The following ALDH5A1 variants were observed in gnomAD, a reference collection of about 807,000 sequenced individuals.
ALDH5A1 encodes the protein succinate-semialdehyde dehydrogenase, mitochondrial.
ALDH5A1 carries 33 observed loss-of-function variants against 54.7 expected under a neutral mutation model. That is an observed-to-expected ratio of 0.60 (90% CI 0.46 to 0.81). The LOEUF (loss-of-function observed/expected upper bound fraction) is 0.81, where lower values mean the gene tolerates loss of function less well. ALDH5A1 is among the 30% of genes least tolerant of loss of function. The pLI is 0.00. For synonymous variants in ALDH5A1, 294 were observed against 292.7 expected (o/e 1.00, Z -0.05); for missense variants, 657 against 711.0 (o/e 0.92, Z 0.86).
rs1760039767 is a variant in ALDH5A1 at position 24,535,972 on chromosome 6, C to T, written c.*2260C>T. On this transcript the variant is annotated 3_prime_UTR_variant, in exon 10 of 10. Transcript: ENST00000357578. The stretch of plus-strand genomic sequence containing the variant: ...TTTGAGTCTTCTTGCATATTTGGCT[C>T]ATGGGTTCATAAATTGAGGCCAGAG... 1 of 152,276 alleles carries T rather than the reference C, an allele frequency of 6.6e-6. No individual in the cohort carries two copies. Among genetic ancestry groups the T allele is most frequent in the Admixed American group, 6.5e-5 (1 of 15,300 alleles). The allele number at this position is 152,276 out of a possible 1,614,324, so 9.4% of individuals were successfully genotyped here.
chr6:24,497,634 A>G lies in ALDH5A1; in HGVS notation c.354+2284A>G, dbSNP rs558231164. ...AGCTGGCTTCACCTCTCATAAGGAC[A>G]TTCAGCTAGAGCCAAAGTAGAAGCA... On this transcript the variant is annotated intron_variant, in intron 1 of 9. Transcript: ENST00000357578. 3.3e-5 allele frequency among the ~76,000 whole-genome samples: 5 copies of G among 152,336 alleles called. No individual in the cohort carries two copies. In the South Asian group the frequency reaches 1.0e-3, roughly 32 times the overall value.
intron 4 of ALDH5A1, among the ~76,000 whole-genome samples, chr6:24,512,465 G>A (rs1035259826): frequency 6.6e-6 from 1 of 152,124 alleles, no homozygotes; most frequent in African/African-American, 2.4e-5. Flanking sequence ...TGTTGTGTTT[G>A]TTCATGCTTG....
intron 4 of ALDH5A1, 46 bp from the exon 5 acceptor site, chr6:24,515,121 T>C (rs1171374873): frequency 1.2e-4 from 182 of 1,494,206 alleles, no homozygotes; most frequent in Non-Finnish European, 1.6e-4. Context: ...TTTTTTTTTT[T>C]CAGTTTGGTA....
intron 4 of ALDH5A1, among the ~76,000 whole-genome samples, chr6:24,510,297 C>T (rs994397758): frequency 2.0e-5 from 3 of 152,142 alleles, no homozygotes; most frequent in African/African-American, 7.2e-5. Flanking sequence ...GGATAATGTT[C>T]TGTAAATATC....
rs1282993224 is a variant in ALDH5A1 at position 24,506,363 on chromosome 6, C to T, written c.726+1378C>T. ...CTGCCTCCCAGGTTCAAGCAATTTTCTGCCTCAGCCTCCCGAGTAGCTGGG... is the reference window on the plus strand; with the variant it reads ...CTGCCTCCCAGGTTCAAGCAATTTTTTGCCTCAGCCTCCCGAGTAGCTGGG... On this transcript the variant is annotated intron_variant, in intron 4 of 9. Transcript: ENST00000357578. Among the ~76,000 whole-genome samples the T allele has an allele frequency of 2.1e-5, 3 of 139,576 alleles. No homozygotes were observed. In the East Asian group the frequency reaches 7.1e-4, roughly 33 times the overall value. The allele number at this position is 139,576 out of a possible 152,430, so 91.6% of individuals were successfully genotyped here. A position where few individuals can be genotyped will look rare whatever the true frequency, so the allele number is the denominator to read the frequency against.
At chr6:24,527,880 G>T in intron 7 of ALDH5A1, 117 bp from the exon 8 acceptor site, 1 of 1,190,628 alleles carries the variant, frequency 8.4e-7, no homozygotes, top group South Asian at 1.3e-5. Flanking sequence ...ATGCTTTATT[G>T]TTAACCTACT....
chr6:24,512,719 C>G (rs368054345), intron 4 of ALDH5A1, among the ~76,000 whole-genome samples: 3 of 152,024 alleles, frequency 2.0e-5, no homozygotes, highest in African/African-American at 7.3e-5. Flanking sequence ...GACAGAGTTT[C>G]ACTCTTGTTG....
Position 24,518,094 on chromosome 6 carries a change from G to C in ALDH5A1, c.871-2307G>C, listed in dbSNP as rs1289449622. On this transcript the variant is annotated intron_variant, in intron 5 of 9. Coordinates refer to ENST00000357578, the MANE Select transcript of ALDH5A1 (RefSeq NM_001080.3). This position sits in a 1 kb window ranked among gnomAD's most constrained non-coding sequence, Gnocchi z 4.2. ...TAGCCTGGCATAGAAGGGTGGGCTA[G>C]GTCAGGGCCTTTTCCTCTAGGAATT... 6.6e-6 allele frequency among the ~76,000 whole-genome samples: 1 copy of C among 152,210 alleles called. No homozygotes were observed. The highest frequency in any genetic ancestry group is 2.4e-5 in the African/African-American group (1 of 41,444).
intron 5 of ALDH5A1, among the ~76,000 whole-genome samples, chr6:24,517,233 T>C (rs1035727448): frequency 1.3e-5 from 2 of 152,218 alleles, no homozygotes; most frequent in Non-Finnish European, 2.9e-5. Flanking sequence ...CCGGAACTCC[T>C]GGCCTCAAGT....
intron 5 of ALDH5A1, among the ~76,000 whole-genome samples, chr6:24,519,380 C>A (rs560338387): frequency 2.0e-5 from 3 of 152,264 alleles, no homozygotes; most frequent in African/African-American, 7.2e-5. Flanking sequence ...GCCTGGCCAA[C>A]ATGACGAAAC....
At chr6:24,515,359 T>A (rs370072269) in intron 5 of ALDH5A1, 49 bp downstream of exon 5, 9 of 1,588,650 alleles carry the variant, frequency 5.7e-6, no homozygotes, top group South Asian at 4.4e-5. Flanking sequence ...TAATATTTTA[T>A]CTTGATAGGT....
rs1311198292 is a variant in ALDH5A1, at chr6:24,522,889, T to G, written c.1137T>G (p.Thr379=). The change falls in exon 7 of 10, where the codon ACT becomes ACG. Residue 379 remains threonine (T), a synonymous_variant. Transcript: ENST00000357578. ...GTAATGGATTTGAGGAAGGAACTACTCAGGGCCCATTAATTAATGAAAAAG... is the reference window on the plus strand; with the variant it reads ...GTAATGGATTTGAGGAAGGAACTACGCAGGGCCCATTAATTAATGAAAAAG... ...RVGNGFEEGT[T]QGPLINEKAV... is the part of the protein sequence containing the mutation. The G allele has an allele frequency of 6.2e-7, 1 of 1,614,064 alleles. No individual in the cohort carries two copies. Among genetic ancestry groups the G allele is most frequent in the Admixed American group, 1.7e-5 (1 of 60,010 alleles).
chr6:24,495,937 C>T (rs1343377220), intron 1 of ALDH5A1, among the ~76,000 whole-genome samples: 1 of 152,134 alleles, frequency 6.6e-6, no homozygotes, highest in Non-Finnish European at 1.5e-5. Context: ...TGCTATTGGC[C>T]ATTGCATAGA....
chr6:24,533,149 G>A (rs2744599), intron 9 of ALDH5A1, among the ~76,000 whole-genome samples: 73,428 of 151,844 alleles, frequency 0.48, 18,925 homozygotes, highest in African/African-American at 0.66. Context: ...ACTTGTGGGG[G>A]AGAGGGTGTT....
At position 24,516,842 on chromosome 6, in the gene ALDH5A1, G is replaced by T. The variant is rs1471119914; in HGVS notation, c.870+1532G>T. The stretch of plus-strand genomic sequence containing the variant: ...GGAGGGTGAGGTGAGAGGATCACCT[G>T]AGCCTGGGAGGTTGAGGCTGCAGTG... On this transcript the variant is annotated intron_variant, in intron 5 of 9. Coordinates refer to ENST00000357578, the MANE Select transcript of ALDH5A1 (RefSeq NM_001080.3). 2.6e-5 allele frequency among the ~76,000 whole-genome samples: 4 copies of T among 152,214 alleles called. No homozygotes were observed. In the East Asian group the frequency reaches 7.7e-4, roughly 29 times the overall value.
intron 4 of ALDH5A1, among the ~76,000 whole-genome samples, 199 bp downstream of exon 4, chr6:24,505,184 C>T (rs1759313670): frequency 6.6e-6 from 1 of 152,216 alleles, no homozygotes; most frequent in East Asian, 1.9e-4. Context: ...GATCTTCTGA[C>T]ATCTGCAGGC....
At chr6:24,516,270 A>AT (rs1759569385) in intron 5 of ALDH5A1, among the ~76,000 whole-genome samples, 1 of 151,704 alleles carries the variant, frequency 6.6e-6, no homozygotes, top group South Asian at 2.1e-4. Context: ...CCCCAACTCT[A>AT]CTAAAAATAC....
At chr6:24,499,062 A>G (rs140498591) in intron 1 of ALDH5A1, among the ~76,000 whole-genome samples, 4,207 of 149,568 alleles carry the variant, frequency 0.028, 100 homozygotes, top group South Asian at 0.098. Context: ...GATCATGCCA[A>G]CTGCACTCCA....
chr6:24,495,227 C>A lies in ALDH5A1; in HGVS notation c.231C>A (p.Pro77=). ...GRWLPAAATF[P]VQDPASGAAL... ...GGCTCCCGGCCGCCGCCACCTTCCC[C>A]GTGCAAGACCCGGCCAGCGGCGCCG... The change falls in exon 1 of 10, where the codon CCC becomes CCA. Residue 77 remains proline (P), a synonymous_variant. Coordinates refer to ENST00000357578, the MANE Select transcript of ALDH5A1 (RefSeq NM_001080.3). The A allele has an allele frequency of 6.6e-7, 1 of 1,514,130 alleles. No homozygotes were observed. 93.8% of individuals were successfully genotyped at this position (1,514,130 alleles called of 1,614,324 possible). A position where few individuals can be genotyped will look rare whatever the true frequency, so the allele number is the denominator to read the frequency against.
Sources: gnomAD v4.1 joint callset for allele counts (sites outside exome capture counted in the v4.1 genomes callset) on GRCh38, gnomAD v4.1.1 for gene constraint, Gnocchi (gnomAD v3.1) non-coding constraint, MANE v1.5 for transcripts, NCBI Gene and HGNC (gene_info 2026-07-23, HGNC 2026-07-21) for gene names.